EPB41L2: variants seen among roughly 807,000 people sequenced by gnomAD.
EPB41L2 encodes the protein band 4.1-like protein 2.
Under a neutral mutation model 113.0 loss-of-function variants are expected in EPB41L2, and 43 were observed. That is an observed-to-expected ratio of 0.38 (90% CI 0.30 to 0.49). EPB41L2 has a LOEUF of 0.49. EPB41L2 is among the 20% of genes least tolerant of loss of function. The pLI, the probability that EPB41L2 is intolerant of heterozygous loss-of-function variation, is 0.95. For missense variants in EPB41L2, 1,147 were observed against 1,223.4 expected, an observed-to-expected ratio of 0.94 and a Z score of 0.93; for synonymous variants, 442 against 436.7, an observed-to-expected ratio of 1.01 and a Z score of -0.15.
At chr6:130,849,966 G>A (rs1195547040) in intron 19 of EPB41L2, among the ~76,000 whole-genome samples, 1 of 152,136 alleles carries the variant, frequency 6.6e-6, no homozygotes, top group Non-Finnish European at 1.5e-5. Context: ...AGCAGTGGTG[G>A]CTTATGCCTG....
intron 3 of EPB41L2, among the ~76,000 whole-genome samples, chr6:130,949,793 T>C (rs931426681): frequency 2.0e-5 from 3 of 152,034 alleles, no homozygotes; most frequent in Non-Finnish European, 2.9e-5. Flanking sequence ...GTCCCTCCTC[T>C]TCCTCCTCCT....
chr6:131,057,891 T>TC (rs1466266908), intron 1 of EPB41L2, among the ~76,000 whole-genome samples: 1 of 152,198 alleles, frequency 6.6e-6, no homozygotes, highest in African/African-American at 2.4e-5. Flanking sequence ...TGGGAGCCTT[T>TC]CCATGCCTCC....
chr6:131,023,270 T>C (rs1380938920), intron 1 of EPB41L2, among the ~76,000 whole-genome samples: 1 of 152,224 alleles, frequency 6.6e-6, no homozygotes, highest in Non-Finnish European at 1.5e-5. Context: ...TATAAAGACT[T>C]CTTAGGATGT....
chr6:130,965,504 A>G (rs1190722724), intron 1 of EPB41L2, among the ~76,000 whole-genome samples: 1 of 152,144 alleles, frequency 6.6e-6, no homozygotes, highest in African/African-American at 2.4e-5. Flanking sequence ...TTGAATAAAA[A>G]AGCCCAATAA....
intron 19 of EPB41L2, among the ~76,000 whole-genome samples, chr6:130,849,142 G>A (rs1778004921): frequency 6.6e-6 from 1 of 152,176 alleles, no homozygotes; most frequent in Non-Finnish European, 1.5e-5. Context: ...CAGTAGCACT[G>A]TGGTGACCTA....
intron 1 of EPB41L2, among the ~76,000 whole-genome samples, chr6:131,053,874 T>C (rs1334936249): frequency 6.6e-6 from 1 of 152,276 alleles, no homozygotes; most frequent in Non-Finnish European, 1.5e-5. Context: ...AACTACAGGC[T>C]GTGCAGCCCT....
At chr6:130,985,257 C>A (rs1446601634) in intron 1 of EPB41L2, among the ~76,000 whole-genome samples, 3 of 152,160 alleles carry the variant, frequency 2.0e-5, no homozygotes, top group South Asian at 2.1e-4. Flanking sequence ...GCTCCTCCCC[C>A]ACTCTGAGCC....
At chr6:130,885,292 A>G in intron 11 of EPB41L2, 24 bp from the exon 12 acceptor site, 1 of 1,613,168 alleles carries the variant, frequency 6.2e-7, no homozygotes, top group Non-Finnish European at 8.5e-7. Flanking sequence ...ACAATTTTGG[A>G]TTATTTTAGG....
intron 1 of EPB41L2, among the ~76,000 whole-genome samples, chr6:130,984,183 G>A (rs899046475): frequency 6.6e-6 from 1 of 152,136 alleles, no homozygotes; most frequent in African/African-American, 2.4e-5. Flanking sequence ...CAATAACATG[G>A]AGCTGTCATC....
rs576380935 is a variant in EPB41L2 at position 130,951,486 on chromosome 6, G to A, written c.705+3619C>T. 1.6e-3 allele frequency among the ~76,000 whole-genome samples: 245 copies of A among 151,384 alleles called. 3 individuals carry two copies. The highest frequency in any genetic ancestry group is 6.0e-4 in the Non-Finnish European group (41 of 67,874). The stretch of plus-strand genomic sequence containing the variant: ...ATTATAGGCACTCACCACCACGCCC[G>A]GCTAAAATTTTTGTATTTTTGGTAA... On this transcript the variant is annotated intron_variant, in intron 3 of 19. Coordinates refer to ENST00000337057, the MANE Select transcript of EPB41L2 (RefSeq NM_001431.4).
intron 1 of EPB41L2, among the ~76,000 whole-genome samples, chr6:130,960,537 A>G (rs1358438718): frequency 1.3e-5 from 2 of 152,184 alleles, no homozygotes; most frequent in African/African-American, 4.8e-5. Flanking sequence ...AACACCCATA[A>G]GGGTTAAGAG....
At chr6:130,868,522 G>A (rs1435766278) in intron 15 of EPB41L2, 1 of 152,196 alleles carries the variant, frequency 6.6e-6, no homozygotes, top group Non-Finnish European at 1.5e-5. Context: ...GTAACGATAT[G>A]TTAAATACAG....
intron 19 of EPB41L2, among the ~76,000 whole-genome samples, chr6:130,843,272 C>T (rs1324453469): frequency 2.0e-5 from 3 of 152,158 alleles, no homozygotes; most frequent in Non-Finnish European, 4.4e-5. Context: ...ACTTTTCTGT[C>T]CTCTGGCAGG....
intron 1 of EPB41L2, among the ~76,000 whole-genome samples, chr6:131,027,336 C>T (rs1434335705): frequency 6.6e-6 from 1 of 152,152 alleles, no homozygotes; most frequent in African/African-American, 2.4e-5. Context: ...ACAAGTTAGA[C>T]TCACATCTAA....
chr6:130,843,977 T>G (rs1259831388), intron 19 of EPB41L2, among the ~76,000 whole-genome samples: 1 of 152,058 alleles, frequency 6.6e-6, no homozygotes, highest in Non-Finnish European at 1.5e-5. Context: ...AATCTTTGAG[T>G]TTCTAGAGAC....
chr6:130,955,353 C>A (rs1305065170), intron 2 of EPB41L2, 36 bp from the exon 3 acceptor site: 1 of 1,594,420 alleles, frequency 6.3e-7, no homozygotes. Context: ...ATACTATAGT[C>A]AACCACCTTG....
rs367590827 is a variant in EPB41L2, at chr6:130,899,529, T to C, written c.1198A>G (p.Arg400Gly). 2 of 1,614,010 alleles carry C rather than the reference T, an allele frequency of 1.2e-6. No homozygotes were observed. The highest frequency in any genetic ancestry group is 1.7e-6 in the Non-Finnish European group (2 of 1,179,876). ...AGGTCAACACCATACATGGAAAGCC[T>C]CTTTGCATTTTCTAAGAACTGGGAA... ...ADSQFLENAK[R>G]LSMYGVDLHH... Residue 400 changes from arginine (R) to glycine (G), a missense_variant, in exon 8 of 20, where the codon AGG (arginine) becomes GGG (glycine). Physicochemically the swap from Arg to Gly is moderately radical, Grantham distance 125 (BLOSUM62 -2). Coordinates refer to ENST00000337057, the MANE Select transcript of EPB41L2 (RefSeq NM_001431.4).
At chr6:130,946,202 A>C (rs1245044345) in intron 3 of EPB41L2, among the ~76,000 whole-genome samples, 2 of 152,206 alleles carry the variant, frequency 1.3e-5, no homozygotes, top group African/African-American at 4.8e-5. Context: ...ATTTGGAACA[A>C]ATGCACAAAG....
chr6:130,962,949 GC>G (rs1269463598), intron 1 of EPB41L2, among the ~76,000 whole-genome samples: 1 of 152,190 alleles, frequency 6.6e-6, no homozygotes, highest in African/African-American at 2.4e-5. Context: ...TCTAAAAAGA[GC>G]CAGAGGAAGA....
Sources: allele counts gnomAD v4.1 joint callset (sites outside exome capture counted in the v4.1 genomes callset), GRCh38; gene constraint gnomAD v4.1.1; transcripts MANE v1.5; gene names NCBI Gene and HGNC (gene_info 2026-07-23, HGNC 2026-07-21).